OR51B5: variants seen among roughly 807,000 people sequenced by gnomAD.
The protein encoded by OR51B5 is olfactory receptor family 51 subfamily B member 5.
For synonymous variants in OR51B5, 186 were observed against 144.8 expected (o/e 1.28, Z -2.04); for missense variants, 456 against 374.6 (o/e 1.22, Z -1.79).
intron 1 of OR51B5, among the ~76,000 whole-genome samples, chr11:5,382,876 G>A (rs1330517186): frequency 6.6e-6 from 1 of 152,050 alleles, no homozygotes; most frequent in Non-Finnish European, 1.5e-5. Flanking sequence ...TTTTAGATCT[G>A]TATGCCCCGT....
At chr11:5,433,990 A>G (rs566261229) in intron 1 of OR51B5, among the ~76,000 whole-genome samples, 1 of 152,232 alleles carries the variant, frequency 6.6e-6, no homozygotes, top group East Asian at 1.9e-4. Flanking sequence ...CTGACATGTG[A>G]AATGTGTTTC....
At chr11:5,471,075 T>G (rs527569797) in intron 1 of OR51B5, among the ~76,000 whole-genome samples, 3 of 152,210 alleles carry the variant, frequency 2.0e-5, no homozygotes, top group Non-Finnish European at 4.4e-5. Context: ...TGATCATTCA[T>G]TTCATTTCTT....
chr11:5,357,621 C>A (rs1157334335), intron 1 of OR51B5, among the ~76,000 whole-genome samples: 1 of 151,850 alleles, frequency 6.6e-6, no homozygotes, highest in Non-Finnish European at 1.5e-5. Flanking sequence ...GAATTGAACT[C>A]AGCTCTGCAC....
downstream of OR51B5, chr11:5,340,959 CACACTCACAATTTAGTATTCAG>C (rs1358688372): frequency 6.6e-6 from 1 of 152,064 alleles, no homozygotes; most frequent in Non-Finnish European, 1.5e-5. Context: ...TATATGCACT[CACACTCACAATTTAGTATTCAG>C]ACTGTGTTGC....
Position 5,342,845 on chromosome 11 carries a change from G to A in OR51B5, c.680C>T (p.Ala227Val), listed in dbSNP as rs371637413. Residue 227 changes from alanine (A) to valine (V), a missense_variant, in exon 1 of 1, where the codon GCC becomes GTC. By Grantham distance (64) the Ala-to-Val change is moderately conservative (BLOSUM62 0). Coordinates refer to ENST00000300773, the Ensembl canonical transcript of OR51B5. The stretch of plus-strand genomic sequence containing the variant: ...AGCCTTGGCCCTCTCCTCTCTGGAG[G>A]CAATGCTCAGGACAGTCTTGAGTAT... 76 of 1,612,616 alleles carry A rather than the reference G, an allele frequency of 4.7e-5. 1 individual carries two copies. Among genetic ancestry groups the A allele is most frequent in the East Asian group, 4.0e-4 (18 of 44,886 alleles).
intron 1 of OR51B5, among the ~76,000 whole-genome samples, chr11:5,491,619 C>T (rs553063246): frequency 2.2e-3 from 339 of 152,264 alleles, no homozygotes; most frequent in Non-Finnish European, 4.2e-3. Context: ...TAAGAAGACA[C>T]GGGCAGCCCT....
chr11:5,406,408 TCA>T, intron 1 of OR51B5, among the ~76,000 whole-genome samples: 1 of 152,208 alleles, frequency 6.6e-6, no homozygotes, highest in East Asian at 1.9e-4. Flanking sequence ...TCCTAGAAAA[TCA>T]CACAGTGAAA....
intron 1 of OR51B5, among the ~76,000 whole-genome samples, chr11:5,418,422 C>T (rs1353198433): frequency 6.7e-6 from 1 of 149,660 alleles, no homozygotes; most frequent in Non-Finnish European, 1.5e-5. Flanking sequence ...AAAAACAAAA[C>T]AAAACAAAAC....
chr11:5,424,171 T>A (rs1043151442), intron 1 of OR51B5, among the ~76,000 whole-genome samples: 10 of 152,146 alleles, frequency 6.6e-5, no homozygotes, highest in African/African-American at 2.4e-4. Context: ...CCACTTAGAT[T>A]TGAATCAACA....
intron 1 of OR51B5, among the ~76,000 whole-genome samples, chr11:5,446,172 G>A (rs922472289): frequency 6.6e-5 from 10 of 152,188 alleles, no homozygotes; most frequent in African/African-American, 2.4e-4. Flanking sequence ...GTTAATGGGT[G>A]CAGCACACCA....
intron 1 of OR51B5, chr11:5,468,608 G>A (rs770140827): frequency 4.2e-5 from 19 of 453,426 alleles, no homozygotes; most frequent in Non-Finnish European, 7.1e-5. Flanking sequence ...CACATATTCA[G>A]GAGCATGCCT....
chr11:5,399,321 G>A (rs1849931246), intron 1 of OR51B5, among the ~76,000 whole-genome samples: 1 of 152,156 alleles, frequency 6.6e-6, no homozygotes, highest in South Asian at 2.1e-4. Flanking sequence ...GAAATAAGCT[G>A]ACTGTGATTG....
Position 5,357,443 on chromosome 11 carries a change from G to T in OR51B5, n.85-10533C>A, listed in dbSNP as rs561453371. 3.6e-3 allele frequency among the ~76,000 whole-genome samples: 543 copies of T among 151,568 alleles called. 1 individual carries two copies. The highest frequency in any genetic ancestry group is 0.01 in the Middle Eastern group (3 of 294). On this transcript the variant is annotated intron_variant and non_coding_transcript_variant, in intron 1 of 4. Transcript: ENST00000415970. ...AGAGCTAACTATCCTAAACATATAT[G>T]CACCCAATACAGGAACACCCAGGTT...
At chr11:5,440,859 GA>G (rs1850673852) in intron 1 of OR51B5, 2 of 1,613,794 alleles carry the variant, frequency 1.2e-6, no homozygotes, top group Non-Finnish European at 1.7e-6. Context: ...CAATGCGTAG[GA>G]AAGCAGGATG....
rs899846050 is a variant in OR51B5, at chr11:5,479,385, C to T, written n.84+26184G>A. Among the ~76,000 whole-genome samples, 17 of 150,282 alleles carry T rather than the reference C, an allele frequency of 1.1e-4. No individual in the cohort carries two copies. The South Asian group carries it at 1.9e-3, about 17-fold the overall frequency. On this transcript the variant is annotated intron_variant and non_coding_transcript_variant, in intron 1 of 4. Coordinates refer to the OR51B5 transcript ENST00000415970. The stretch of plus-strand genomic sequence containing the variant: ...AGCACTAAACATGGAAAGGAACAAC[C>T]GGTACCAGCTGCTGCAAAATCATGC...
chr11:5,350,358 G>C (rs912666713), intron 1 of OR51B5, among the ~76,000 whole-genome samples: 18 of 152,238 alleles, frequency 1.2e-4, no homozygotes, highest in Admixed American at 1.2e-3. Context: ...GACAGAAAGA[G>C]GTCTTGTAAA....
intron 1 of OR51B5, among the ~76,000 whole-genome samples, chr11:5,443,991 C>T (rs990861545): frequency 6.6e-6 from 1 of 152,008 alleles, no homozygotes; most frequent in African/African-American, 2.4e-5. Flanking sequence ...TCAAACACTC[C>T]CCTACTCACA....
upstream of OR51B5, among the ~76,000 whole-genome samples, chr11:5,347,992 G>A (rs1440949179): frequency 7.2e-5 from 11 of 152,090 alleles, no homozygotes; most frequent in Admixed American, 6.6e-4. Flanking sequence ...CAAAGTTTCA[G>A]GTCAGTGAGG....
In OR51B5 at chr11:5,424,341, AAAAC is replaced by A. The variant is rs200506898; in HGVS notation, n.85-77435_85-77432del. Among the ~76,000 whole-genome samples, 1,303 of 151,994 alleles carry A rather than the reference AAAAC, an allele frequency of 8.6e-3. 19 individuals are homozygous for A. The highest frequency in any genetic ancestry group is 0.03 in the African/African-American group (1,242 of 41,470). On this transcript the variant is annotated intron_variant and non_coding_transcript_variant, in intron 1 of 4. Coordinates refer to the OR51B5 transcript ENST00000415970. ...TCGGGGAAAAGAGAAAAGGGAAAAC[AAAAC>A]AAACAAACAAAAAACAAACAAACAA...
Sources: allele counts gnomAD v4.1 joint callset (sites outside exome capture counted in the v4.1 genomes callset), GRCh38; gene constraint gnomAD v4.1.1; transcripts MANE v1.5; gene names NCBI Gene and HGNC (gene_info 2026-07-23, HGNC 2026-07-21).